The following CTNND1 variants were observed in gnomAD, a reference collection of about 807,000 sequenced individuals.
CTNND1 encodes catenin delta-1.
In CTNND1, 16 loss-of-function variants were observed where a neutral mutation model predicts 112.1. The observed-to-expected ratio is 0.14, with a 90% CI of 0.10 to 0.22. CTNND1 has a LOEUF of 0.22. Among genes scored for constraint, CTNND1 ranks in the 10% least tolerant of loss-of-function variants. The pLI is 1.00. For synonymous variants in CTNND1, 420 were observed against 446.5 expected (o/e 0.94, Z 0.75); for missense variants, 1,008 against 1,257.0 (o/e 0.80, Z 3.00).
At chr11:57,794,524 G>A (rs2061133102) in intron 4 of CTNND1, among the ~76,000 whole-genome samples, 3 of 152,114 alleles carry the variant, frequency 2.0e-5, no homozygotes, top group African/African-American at 7.2e-5. Flanking sequence ...GGTGGCTCAT[G>A]CCTGTAATCC....
At chr11:57,804,848 T>G (rs960271206) in intron 9 of CTNND1, 68 bp downstream of exon 9, 4 of 1,132,444 alleles carry the variant, frequency 3.5e-6, no homozygotes, top group Admixed American at 4.0e-5. Flanking sequence ...TATCTGTAGG[T>G]CAGAGACCTA....
At position 57,810,170 on chromosome 11, in the gene CTNND1, A is replaced by C; in HGVS notation, c.2497A>C (p.Lys833Gln). ...TGTATTACAGACAATCTGGGGATAT[A>C]AGGAACTGCGGAAGCCACTGGAAAA... Reference protein sequence around the residue: ...ALVLQTIWGYKELRKPLEKEG... With the variant: ...ALVLQTIWGYQELRKPLEKEG... Residue 833 changes from lysine (K) to glutamine (Q), a missense_variant, in exon 16 of 21, where the codon AAG becomes CAG. Transcript: ENST00000399050. 6.2e-7 allele frequency: 1 copy of C among 1,613,130 alleles called. No individual in the cohort carries two copies. Among genetic ancestry groups the C allele is most frequent in the Non-Finnish European group, 8.5e-7 (1 of 1,179,478 alleles).
intron 18 of CTNND1, among the ~76,000 whole-genome samples, chr11:57,814,888 A>G (rs966662450): frequency 5.3e-5 from 8 of 152,048 alleles, no homozygotes; most frequent in Non-Finnish European, 1.2e-4. Flanking sequence ...TTTAATTCCC[A>G]TAACCTTTTC....
chr11:57,785,842 C>T (rs1266621849), intron 1 of CTNND1, among the ~76,000 whole-genome samples: 1 of 151,918 alleles, frequency 6.6e-6, no homozygotes, highest in African/African-American at 2.4e-5. Flanking sequence ...CCACCACGCC[C>T]GGCCGGTAAG....
intron 1 of CTNND1, among the ~76,000 whole-genome samples, chr11:57,764,343 A>G (rs931688395): frequency 7.9e-5 from 12 of 152,144 alleles, no homozygotes; most frequent in African/African-American, 2.2e-4. Flanking sequence ...CTAGGGTAAA[A>G]TTGAGACTAT....
chr11:57,763,339 T>C (rs541704081), intron 1 of CTNND1, among the ~76,000 whole-genome samples: 1 of 152,318 alleles, frequency 6.6e-6, no homozygotes, highest in Admixed American at 6.5e-5. Flanking sequence ...TGGGCTTTAG[T>C]GTGTAAGCTG....
At chr11:57,765,274 T>G (rs567831702) in intron 1 of CTNND1, among the ~76,000 whole-genome samples, 55 of 152,212 alleles carry the variant, frequency 3.6e-4, no homozygotes, top group African/African-American at 1.3e-3. Context: ...GTCTTAGTGT[T>G]TGGTACATAC....
intron 1 of CTNND1, among the ~76,000 whole-genome samples, chr11:57,767,189 C>T (rs936333197): frequency 8.5e-5 from 13 of 152,106 alleles, no homozygotes; most frequent in African/African-American, 2.7e-4. Flanking sequence ...CCAGGTTGGT[C>T]TCAAACTCCT....
At chr11:57,790,596 C>T (rs1392932236) in intron 2 of CTNND1, among the ~76,000 whole-genome samples, 4 of 123,126 alleles carry the variant, frequency 3.2e-5, no homozygotes, top group East Asian at 2.6e-4. Flanking sequence ...CTTGCACTGT[C>T]GCCTAGGCTG....
At chr11:57,806,338 GT>G in intron 10 of CTNND1, 122 bp from the exon 11 acceptor site, 1 of 1,008,006 alleles carries the variant, frequency 9.9e-7, no homozygotes, top group Non-Finnish European at 1.5e-6. Flanking sequence ...CATTTTCTGT[GT>G]TTTTCTTTTC....
chr11:57,807,667 T>G (rs1336612696), intron 12 of CTNND1, among the ~76,000 whole-genome samples: 1 of 151,624 alleles, frequency 6.6e-6, no homozygotes, highest in African/African-American at 2.4e-5. Context: ...AAAAGAAATT[T>G]GGATCTTTAT....
intron 1 of CTNND1, among the ~76,000 whole-genome samples, chr11:57,772,859 C>T (rs1953047662): frequency 6.6e-6 from 1 of 152,098 alleles, no homozygotes; most frequent in East Asian, 1.9e-4. Flanking sequence ...CTTTCTCTCT[C>T]TTTCTCTCAC....
At chr11:57,816,050 T>C in intron 20 of CTNND1, 49 bp downstream of exon 20, 1 of 1,459,734 alleles carries the variant, frequency 6.9e-7, no homozygotes, top group Non-Finnish European at 9.3e-7. Context: ...AGGAGGCTCC[T>C]GAGTGCCAGC....
chr11:57,814,505 C>T, intron 18 of CTNND1, 132 bp downstream of exon 18: 1 of 646,544 alleles, frequency 1.5e-6, no homozygotes, highest in East Asian at 2.8e-5. Context: ...TGATCATTTC[C>T]ATTTTGAAGG....
chr11:57,770,731 A>T (rs1952373579), intron 1 of CTNND1, among the ~76,000 whole-genome samples: 4 of 152,232 alleles, frequency 2.6e-5, no homozygotes, highest in Admixed American at 2.6e-4. Flanking sequence ...ACTAAAATAT[A>T]TTCTCATGGT....
At chr11:57,765,277 G>A (rs1437920520) in intron 1 of CTNND1, among the ~76,000 whole-genome samples, 1 of 151,998 alleles carries the variant, frequency 6.6e-6, no homozygotes, top group Admixed American at 6.6e-5. Flanking sequence ...TTAGTGTTTG[G>A]TACATACTGA....
intron 6 of CTNND1, among the ~76,000 whole-genome samples, chr11:57,801,224 A>C (rs2061990083): frequency 6.6e-6 from 1 of 152,214 alleles, no homozygotes; most frequent in Admixed American, 6.5e-5. Flanking sequence ...GAGAAGCTTA[A>C]ATATGAAATG....
intron 1 of CTNND1, among the ~76,000 whole-genome samples, chr11:57,774,694 T>G (rs1238116904): frequency 4.6e-5 from 1 of 21,950 alleles, no homozygotes; most frequent in African/African-American, 9.9e-5. Context: ...TATGAGGGTT[T>G]ATTTATTTAT....
Position 57,810,230 on chromosome 11 carries a change from T to C in CTNND1, c.2550+7T>C. ...GAAGAAATCAGACTTTCAGGTATAG[T>C]AACTTTTGAGACCAAGACTTTTACT... On this transcript the variant is annotated splice_region_variant and intron_variant, in intron 16 of 20. Coordinates refer to ENST00000399050, the MANE Select transcript of CTNND1 (RefSeq NM_001085458.2). 3 of 1,591,740 alleles carry C rather than the reference T, an allele frequency of 1.9e-6. No individual in the cohort carries two copies. The South Asian group carries it at 3.4e-5, about 18-fold the overall frequency.
Sources: allele counts gnomAD v4.1 joint callset (sites outside exome capture counted in the v4.1 genomes callset), GRCh38; gene constraint gnomAD v4.1.1; transcripts MANE v1.5; gene names NCBI Gene and HGNC (gene_info 2026-07-23, HGNC 2026-07-21).